Variants in RAB27B observed in about 807,000 individuals in gnomAD.
RAB27B encodes the protein RAB27B, member RAS oncogene family, also known as ras-related protein Rab-27B.
A neutral mutation model predicts 24.6 loss-of-function variants in RAB27B; 15 were observed. The ratio of observed to expected loss-of-function variants is 0.61; its 90% CI spans 0.41 to 0.94. The LOEUF (loss-of-function observed/expected upper bound fraction) is 0.94, where lower values mean the gene tolerates loss of function less well. Ranked by LOEUF, RAB27B falls within the 40% of genes least tolerant of loss-of-function variation. The pLI is 0.00. For synonymous variants in RAB27B, 105 were observed against 92.5 expected (o/e 1.14, Z -0.78); for missense variants, 261 against 266.8 (o/e 0.98, Z 0.15).
At chr18:54,887,934 C>A in intron 4 of RAB27B, 61 bp from the exon 5 acceptor site, 4 of 1,555,640 alleles carry the variant, frequency 2.6e-6, no homozygotes, top group Non-Finnish European at 2.6e-6. Flanking sequence ...GGAATAAGAG[C>A]AGTCATTTGA....
Position 54,888,094 on chromosome 18 carries a change from C to T in RAB27B, c.443C>T (p.Ala148Val), listed in dbSNP as rs1184128382. ...CAGAGGGAAGTCAATGAACGGCAAG[C>T]TCGGGAACTGGCTGACAAATATGGG... is the stretch of plus-strand genomic sequence containing the variant. ...PDQREVNERQ[A>V]RELADKYGIP... The change falls in exon 5 of 6, where the codon GCT (alanine) becomes GTT (valine). Residue 148 changes from alanine (A) to valine (V), a missense_variant. Ala to Val is a moderately conservative substitution (Grantham distance 64). Transcript: ENST00000262094. The T allele has an allele frequency of 2.5e-6, 4 of 1,612,768 alleles. No homozygotes were observed. In the African/African-American group the frequency reaches 5.3e-5, roughly 22 times the overall value.
rs144368771 is a variant in RAB27B at position 54,791,555 on chromosome 18, A to G, written c.-20+73414A>G. On this transcript the variant is annotated intron_variant, in intron 2 of 4. Transcript: ENST00000586570. ...GTGTGATCCCTTTAAATGATACGGA[A>G]GAGGGGAAGGGAGGTGCTGGGTAGA... Among the ~76,000 whole-genome samples, 9 of 152,240 alleles carry G rather than the reference A, an allele frequency of 5.9e-5. No individual in the cohort carries two copies. In the East Asian group the frequency reaches 1.5e-3, roughly 26 times the overall value.
At chr18:54,722,852 T>C (rs772097893) in intron 2 of RAB27B, among the ~76,000 whole-genome samples, 4 of 152,224 alleles carry the variant, frequency 2.6e-5, no homozygotes, top group Non-Finnish European at 5.9e-5. Flanking sequence ...AGGATCAAAA[T>C]GGTTCAACAA....
chr18:54,754,322 C>T (rs1313051639), intron 2 of RAB27B, among the ~76,000 whole-genome samples: 1 of 142,990 alleles, frequency 7.0e-6, no homozygotes, highest in African/African-American at 2.7e-5. Flanking sequence ...CCTCCCCAGC[C>T]ATGGCTAACT....
At chr18:54,757,673 G>A (rs933746481) in intron 2 of RAB27B, among the ~76,000 whole-genome samples, 2 of 151,728 alleles carry the variant, frequency 1.3e-5, no homozygotes, top group African/African-American at 4.8e-5. Flanking sequence ...GATAAAATTG[G>A]GACAAAAAAG....
At chr18:54,751,982 C>A (rs1369443662) in intron 2 of RAB27B, among the ~76,000 whole-genome samples, 1 of 152,120 alleles carries the variant, frequency 6.6e-6, no homozygotes, top group Non-Finnish European at 1.5e-5. Flanking sequence ...TCAGTGGCCG[C>A]AACAGGCTCA....
intron 2 of RAB27B, among the ~76,000 whole-genome samples, chr18:54,761,463 A>C (rs1337839691): frequency 3.3e-5 from 5 of 152,198 alleles, no homozygotes; most frequent in Non-Finnish European, 4.4e-5. Context: ...AAATATACTA[A>C]GCTATGGGTA....
chr18:54,871,071 G>GT (rs1297552082), intron 1 of RAB27B, among the ~76,000 whole-genome samples: 1 of 152,098 alleles, frequency 6.6e-6, no homozygotes, highest in Non-Finnish European at 1.5e-5. Context: ...TAATTTTTTG[G>GT]TTGATGTTAA....
intron 2 of RAB27B, among the ~76,000 whole-genome samples, chr18:54,788,001 A>G (rs183152082): frequency 6.6e-6 from 1 of 152,362 alleles, no homozygotes; most frequent in East Asian, 1.9e-4. Flanking sequence ...TGTGGCATCC[A>G]AGAAAAGATC....
At chr18:54,813,070 C>T (rs570656546) in intron 2 of RAB27B, among the ~76,000 whole-genome samples, 2 of 152,124 alleles carry the variant, frequency 1.3e-5, no homozygotes, top group African/African-American at 2.4e-5. Context: ...ATGCTGCTTT[C>T]GGTTGTGGCT....
At chr18:54,803,640 A>G (rs1467663042) in intron 2 of RAB27B, among the ~76,000 whole-genome samples, 2 of 152,178 alleles carry the variant, frequency 1.3e-5, no homozygotes, top group African/African-American at 4.8e-5. Flanking sequence ...TATGCAATAC[A>G]TTGTGAACAG....
At chr18:54,779,903 A>T (rs537597753) in intron 2 of RAB27B, among the ~76,000 whole-genome samples, 3 of 148,308 alleles carry the variant, frequency 2.0e-5, no homozygotes, top group Non-Finnish European at 4.5e-5. Context: ...CTTCCCCCTC[A>T]CCCTCTCTAC....
intron 2 of RAB27B, among the ~76,000 whole-genome samples, chr18:54,738,747 A>T (rs1909977735): frequency 6.6e-6 from 1 of 152,160 alleles, no homozygotes; most frequent in Non-Finnish European, 1.5e-5. Context: ...TTTTAATTTG[A>T]TCTGCACCTT....
At chr18:54,793,255 A>G (rs1299111626) in intron 2 of RAB27B, among the ~76,000 whole-genome samples, 2 of 152,230 alleles carry the variant, frequency 1.3e-5, no homozygotes, top group Admixed American at 1.3e-4. Flanking sequence ...GTCTCAGCAG[A>G]CAAAACAGAA....
intron 1 of RAB27B, among the ~76,000 whole-genome samples, chr18:54,873,685 C>CTGTGTG (rs56409312): frequency 0.026 from 3,616 of 140,774 alleles, 64 homozygotes; most frequent in East Asian, 0.073. Context: ...GAGCCAAATC[C>CTGTGTG]TGTGTGTGTG....
chr18:54,759,497 G>A (rs1485961994), intron 2 of RAB27B, among the ~76,000 whole-genome samples: 1 of 152,190 alleles, frequency 6.6e-6, no homozygotes. Flanking sequence ...AGGAGACTGG[G>A]TGTCTTGTGC....
upstream of RAB27B, among the ~76,000 whole-genome samples, chr18:54,824,293 T>C (rs1239646590): frequency 6.6e-6 from 1 of 152,222 alleles, no homozygotes; most frequent in Non-Finnish European, 1.5e-5. Flanking sequence ...TTAAAATTAG[T>C]TCAGCACACT....
In RAB27B at chr18:54,882,869, T is replaced by C. The variant is rs192310361; in HGVS notation, c.240-1464T>C. 6.4e-3 allele frequency among the ~76,000 whole-genome samples: 978 copies of C among 152,160 alleles called. 8 individuals carry two copies. Among genetic ancestry groups the C allele is most frequent in the Non-Finnish European group, 0.011 (754 of 68,008 alleles). On this transcript the variant is annotated intron_variant, in intron 3 of 5. Coordinates refer to ENST00000262094, the MANE Select transcript of RAB27B (RefSeq NM_004163.4). ...TCATTAAAATGTCGTTAGTAGAGCA[T>C]TGATATAATCTATGGGAAGAAATGG... is the stretch of plus-strand genomic sequence containing the variant.
intron 4 of RAB27B, among the ~76,000 whole-genome samples, chr18:54,886,545 T>A (rs1239639652): frequency 6.6e-6 from 1 of 152,168 alleles, no homozygotes; most frequent in Admixed American, 6.5e-5. Flanking sequence ...ACTTTCATAA[T>A]TGCTTCTCCA....
Sources: allele counts gnomAD v4.1 joint callset (sites outside exome capture counted in the v4.1 genomes callset), GRCh38; gene constraint gnomAD v4.1.1; transcripts MANE v1.5; gene names NCBI Gene and HGNC (gene_info 2026-07-23, HGNC 2026-07-21).